CNTNAP2: variants seen among roughly 807,000 people sequenced by gnomAD.
CNTNAP2 encodes contactin associated protein 2.
CNTNAP2 carries 98 observed loss-of-function variants against 155.2 expected under a neutral mutation model. The observed-to-expected ratio is 0.63, with a 90% CI of 0.54 to 0.75. The LOEUF is 0.75. Among genes scored for constraint, CNTNAP2 ranks in the 30% least tolerant of loss-of-function variants. The pLI is 0.00. For synonymous variants in CNTNAP2, 651 were observed against 631.2 expected (o/e 1.03, Z -0.47); for missense variants, 1,727 against 1,688.1 (o/e 1.02, Z -0.40).
intron 1 of CNTNAP2, among the ~76,000 whole-genome samples, chr7:146,451,008 G>A (rs973290820): frequency 1.3e-5 from 2 of 151,962 alleles, no homozygotes; most frequent in African/African-American, 2.4e-5. Flanking sequence ...GTGCAGTGGC[G>A]TGGTCTTGGC....
At chr7:146,483,296 T>TATATAC (rs1796999794) in intron 1 of CNTNAP2, among the ~76,000 whole-genome samples, 1 of 62,710 alleles carries the variant, frequency 1.6e-5, no homozygotes, top group Non-Finnish European at 2.9e-5. Flanking sequence ...TATATATATA[T>TATATAC]ATATATATAT....
chr7:147,921,337 C>G (rs1471007029), intron 14 of CNTNAP2, among the ~76,000 whole-genome samples: 1 of 152,146 alleles, frequency 6.6e-6, no homozygotes, highest in Non-Finnish European at 1.5e-5. Context: ...TCCAGATAAC[C>G]TCTTCTCCAT....
intron 14 of CNTNAP2, among the ~76,000 whole-genome samples, chr7:147,927,563 A>T (rs1800417507): frequency 6.6e-6 from 1 of 152,232 alleles, no homozygotes; most frequent in African/African-American, 2.4e-5. Context: ...GGCATAGGCT[A>T]GTAAATTGAC....
At chr7:147,018,515 A>G (rs73154311) in intron 3 of CNTNAP2, among the ~76,000 whole-genome samples, 3,673 of 152,198 alleles carry the variant, frequency 0.024, 65 homozygotes, top group South Asian at 0.039. Context: ...AGAGGAAGAA[A>G]GAATGAATAG....
chr7:147,617,165 C>T (rs1409350672), intron 12 of CNTNAP2, among the ~76,000 whole-genome samples: 1 of 152,154 alleles, frequency 6.6e-6, no homozygotes, highest in East Asian at 1.9e-4. Flanking sequence ...GACACATCCC[C>T]ATTCATCTGT....
At chr7:147,042,651 T>C (rs191337663) in intron 3 of CNTNAP2, among the ~76,000 whole-genome samples, 2 of 152,184 alleles carry the variant, frequency 1.3e-5, no homozygotes, top group Non-Finnish European at 2.9e-5. Flanking sequence ...CTCCTGGTTT[T>C]AGATAGAAGC....
chr7:146,742,203 T>G (rs531634852), intron 1 of CNTNAP2, among the ~76,000 whole-genome samples: 1 of 152,332 alleles, frequency 6.6e-6, no homozygotes, highest in East Asian at 1.9e-4. Context: ...TTTTATTTAT[T>G]TCTTCATAAA....
intron 1 of CNTNAP2, among the ~76,000 whole-genome samples, chr7:146,631,150 C>T (rs1799504271): frequency 6.6e-6 from 1 of 152,134 alleles, no homozygotes; most frequent in South Asian, 2.1e-4. Flanking sequence ...TGCTACCTGA[C>T]TTCAAACTAC....
chr7:147,739,671 A>G (rs1796923177), intron 13 of CNTNAP2, among the ~76,000 whole-genome samples: 1 of 152,056 alleles, frequency 6.6e-6, no homozygotes, highest in Admixed American at 6.6e-5. Context: ...TGAAAATTGG[A>G]AGGAAAATGT....
intron 1 of CNTNAP2, among the ~76,000 whole-genome samples, chr7:146,589,294 G>T (rs1798745520): frequency 6.6e-6 from 1 of 152,158 alleles, no homozygotes; most frequent in South Asian, 2.1e-4. Flanking sequence ...AAAGACACAT[G>T]CACATGTACG....
intron 22 of CNTNAP2, among the ~76,000 whole-genome samples, chr7:148,385,549 C>T (rs1799172307): frequency 1.3e-5 from 2 of 152,100 alleles, no homozygotes; most frequent in East Asian, 1.9e-4. Context: ...GCTGTGAGCA[C>T]CTGTGGTCTG....
At chr7:146,212,869 T>C (rs1490109323) in intron 1 of CNTNAP2, among the ~76,000 whole-genome samples, 1 of 152,166 alleles carries the variant, frequency 6.6e-6, no homozygotes, top group Non-Finnish European at 1.5e-5. Context: ...TAAAATTGAT[T>C]ATTTGATGAT....
chr7:147,279,509 G>T (rs543073785), intron 8 of CNTNAP2, among the ~76,000 whole-genome samples: 7 of 151,838 alleles, frequency 4.6e-5, no homozygotes, highest in Non-Finnish European at 1.0e-4. Flanking sequence ...TCTAGCATCT[G>T]ATTTCCATAA....
chr7:147,818,063 TA>T (rs779449013), intron 13 of CNTNAP2, among the ~76,000 whole-genome samples: 57 of 152,014 alleles, frequency 3.7e-4, no homozygotes, highest in African/African-American at 1.3e-3. Flanking sequence ...AATTTTTTTT[TA>T]AAAAAATCAG....
intron 3 of CNTNAP2, among the ~76,000 whole-genome samples, chr7:146,980,556 A>G (rs143504039): frequency 5.9e-4 from 90 of 152,292 alleles, no homozygotes; most frequent in African/African-American, 2.1e-3. Context: ...TGCAGACTGT[A>G]CAGGAAGTGT....
chr7:147,578,617 T>C (rs1195920979), intron 12 of CNTNAP2, among the ~76,000 whole-genome samples: 3 of 152,146 alleles, frequency 2.0e-5, no homozygotes, highest in African/African-American at 7.2e-5. Flanking sequence ...TTAAGTATAT[T>C]CCTAGATTAT....
chr7:147,313,163 C>G (rs1584865329), intron 9 of CNTNAP2, among the ~76,000 whole-genome samples: 1 of 150,852 alleles, frequency 6.6e-6, no homozygotes, highest in African/African-American at 2.4e-5. Flanking sequence ...TGGATTTTAG[C>G]CCTTTGTCAG....
chr7:147,254,865 A>C (rs539181588), intron 8 of CNTNAP2, among the ~76,000 whole-genome samples: 150 of 152,278 alleles, frequency 9.9e-4, no homozygotes, highest in Non-Finnish European at 1.5e-3. Flanking sequence ...CAAAGACTTA[A>C]TTGTTCTTTG....
chr7:148,067,804 C>G (rs1803296676), intron 15 of CNTNAP2, among the ~76,000 whole-genome samples: 1 of 152,174 alleles, frequency 6.6e-6, no homozygotes, highest in Non-Finnish European at 1.5e-5. Flanking sequence ...AGCTCAGCCT[C>G]CCCTTGGGCA....
Sources: allele counts gnomAD v4.1 joint callset (sites outside exome capture counted in the v4.1 genomes callset), GRCh38; gene constraint gnomAD v4.1.1; transcripts MANE v1.5; gene names NCBI Gene and HGNC (gene_info 2026-07-23, HGNC 2026-07-21).